SEC16B: variants seen among roughly 807,000 people sequenced by gnomAD.
The protein encoded by SEC16B is SEC16 homolog B, endoplasmic reticulum export factor.
In SEC16B, 115 loss-of-function variants were observed where a neutral mutation model predicts 141.8. That is an observed-to-expected ratio of 0.81 (90% CI 0.70 to 0.95). The LOEUF is 0.95. Among genes scored for constraint, SEC16B ranks in the 40% least tolerant of loss-of-function variants. SEC16B has a pLI of 0.00. For missense variants in SEC16B, 1,291 were observed against 1,312.3 expected, an observed-to-expected ratio of 0.98 and a Z score of 0.25; for synonymous variants, 493 against 492.5, an observed-to-expected ratio of 1.00 and a Z score of -0.01.
chr1:177,937,762 C>T (rs577476197), intron 18 of SEC16B, among the ~76,000 whole-genome samples: 17 of 152,226 alleles, frequency 1.1e-4, no homozygotes, highest in African/African-American at 3.4e-4. Context: ...ATCCTAAGCT[C>T]CTCCATTGAC....
In SEC16B at chr1:177,961,626, G is replaced by C. The variant is rs969252944; in HGVS notation, c.751C>G (p.Pro251Ala). ...GGACTCCAAGCTGCTGAAGCTGGGG[G>C]ATCATCCCGCTCCGGGGCATCTCTG... ...YIRDAPERDD[P>A]PASAAWSPVQ... Residue 251 changes from proline to alanine, a missense_variant, in exon 6 of 26, where the codon CCC becomes GCC. Physicochemically the swap from Pro to Ala is conservative, Grantham distance 27. Coordinates refer to ENST00000308284, the MANE Select transcript of SEC16B (RefSeq NM_033127.4). 2 of 1,613,822 alleles carry C rather than the reference G, an allele frequency of 1.2e-6. No individual in the cohort carries two copies. Among genetic ancestry groups the C allele is most frequent in the South Asian group, 2.2e-5 (2 of 91,024 alleles).
chr1:177,932,928 C>A lies in SEC16B; in HGVS notation c.2824-122G>T, dbSNP rs1306771439. On this transcript the variant is annotated intron_variant, in intron 22 of 25. Transcript: ENST00000308284. Reference sequence around the variant, plus strand: ...GCCACAAACTGCTGCTGGGCACTCCCCAAAACCCCCCTCCTCATCCCACTC... The same window carrying A: ...GCCACAAACTGCTGCTGGGCACTCCACAAAACCCCCCTCCTCATCCCACTC... 5 of 892,224 alleles carry A rather than the reference C, an allele frequency of 5.6e-6. No homozygotes were observed. In the East Asian group the frequency reaches 1.3e-4, roughly 23 times the overall value. 55.3% of individuals were successfully genotyped at this position (892,224 alleles called of 1,614,324 possible).
Position 177,958,172 on chromosome 1 carries a change from A to G in SEC16B, c.1325T>C (p.Val442Ala). Residue 442 changes from valine to alanine, a missense_variant, in exon 10 of 26, where the codon GTG becomes GCG. Val to Ala is a moderately conservative substitution (Grantham distance 64). Transcript: ENST00000308284. ...PPSVETPAQI[V>A]EKFTRLLYYG... is the part of the protein sequence containing the mutation. ...GTAGAGCAGCCTAGTGAATTTCTCC[A>G]CGATCTGCGCAGGTGTCTCCACACT... 1 of 1,562,044 alleles carries G rather than the reference A, an allele frequency of 6.4e-7. No individual in the cohort carries two copies. The highest frequency in any genetic ancestry group is 8.7e-7 in the Non-Finnish European group (1 of 1,151,630).
At chr1:177,981,322 G>C (rs1654405261) in intron 1 of SEC16B, among the ~76,000 whole-genome samples, 1 of 152,054 alleles carries the variant, frequency 6.6e-6, no homozygotes. Context: ...TGGACAGTAA[G>C]AGTCTTGCAT....
chr1:177,972,070 T>C (rs536416336), upstream of SEC16B, among the ~76,000 whole-genome samples: 2 of 152,342 alleles, frequency 1.3e-5, no homozygotes, highest in South Asian at 4.1e-4. Flanking sequence ...CTAGCCTTCA[T>C]TGCACAACCC....
chr1:177,978,566 T>G (rs1160586930), intron 1 of SEC16B, among the ~76,000 whole-genome samples: 1 of 152,032 alleles, frequency 6.6e-6, no homozygotes, highest in Non-Finnish European at 1.5e-5. Flanking sequence ...TAATTGGGCA[T>G]GGTGGCTCAC....
At chr1:177,973,819 A>C (rs1163790560), upstream of SEC16B, among the ~76,000 whole-genome samples, 1 of 152,172 alleles carries the variant, frequency 6.6e-6, no homozygotes, top group Non-Finnish European at 1.5e-5. Flanking sequence ...TAGTAATACA[A>C]TGTAATCATC....
At chr1:177,978,171 CA>C (rs1206969053) in intron 1 of SEC16B, among the ~76,000 whole-genome samples, 2 of 152,130 alleles carry the variant, frequency 1.3e-5, no homozygotes, top group African/African-American at 2.4e-5. Flanking sequence ...AGCCTTCAGG[CA>C]AGTTATTTAA....
chr1:177,980,223 A>G (rs1654348982), intron 1 of SEC16B, among the ~76,000 whole-genome samples: 1 of 152,176 alleles, frequency 6.6e-6, no homozygotes, highest in Non-Finnish European at 1.5e-5. Flanking sequence ...TCTAGATGTC[A>G]TTCATTAAAT....
At chr1:177,961,467 G>T (rs981316136) in intron 6 of SEC16B, 123 bp downstream of exon 6, 20 of 1,028,198 alleles carry the variant, frequency 1.9e-5, no homozygotes, top group Non-Finnish European at 2.8e-5. Context: ...TCTCTGCCCA[G>T]GTGACCTACA....
At chr1:177,979,816 G>A (rs1193252353) in intron 1 of SEC16B, among the ~76,000 whole-genome samples, 1 of 152,196 alleles carries the variant, frequency 6.6e-6, no homozygotes, top group African/African-American at 2.4e-5. Flanking sequence ...GAGAGAGCTT[G>A]TGTAGGGAAA....
rs1471228425 is a variant in SEC16B, at chr1:177,947,701, G to A, written c.1663+124C>T. On this transcript the variant is annotated intron_variant, in intron 13 of 25. Transcript: ENST00000308284. ...TTAAAGCTGACCTGGACGGGGAGGG[G>A]AGGTGAGGAGAGGGAGGGGAGGTGA... The A allele has an allele frequency of 8.7e-6, 5 of 574,572 alleles. No homozygotes were observed. The East Asian group carries it at 1.5e-4, about 18-fold the overall frequency. The allele number at this position is 574,572 out of a possible 1,614,324, so 35.6% of individuals were successfully genotyped here.
chr1:177,932,834 T>C (rs1422753938), intron 22 of SEC16B, 28 bp from the exon 23 acceptor site: 3 of 1,573,318 alleles, frequency 1.9e-6, no homozygotes, highest in Admixed American at 1.8e-5. Flanking sequence ...AAAGGCAGCA[T>C]TGGCAACATT....
At position 177,940,896 on chromosome 1, in the gene SEC16B, C is replaced by A. The variant is rs1157933949; in HGVS notation, c.2023-182G>T. Among the ~76,000 whole-genome samples, 3 of 152,206 alleles carry A rather than the reference C, an allele frequency of 2.0e-5. No individual in the cohort carries two copies. The South Asian group carries it at 6.2e-4, about 32-fold the overall frequency. ...AAACAGCAAATTCAGCAGATATCCT[C>A]CCAAAATTGCAACATAAATAAACAA... On this transcript the variant is annotated intron_variant, in intron 16 of 25. Transcript: ENST00000308284.
intron 15 of SEC16B, among the ~76,000 whole-genome samples, chr1:177,942,750 C>T (rs561765050): frequency 1.6e-3 from 242 of 152,098 alleles, no homozygotes; most frequent in African/African-American, 5.4e-3. Flanking sequence ...AGTAAGCGCT[C>T]GTGAAAGCAT....
chr1:177,970,343 C>T (rs540167515), upstream of SEC16B: 1 of 152,324 alleles, frequency 6.6e-6, no homozygotes, highest in African/African-American at 2.4e-5. Context: ...TGTTACTTAA[C>T]CTCTCCGAGT....
At chr1:177,969,090 C>T (rs1653773215) in intron 1 of SEC16B, among the ~76,000 whole-genome samples, 1 of 152,172 alleles carries the variant, frequency 6.6e-6, no homozygotes, top group Non-Finnish European at 1.5e-5. Context: ...CAGGCTAGGT[C>T]GGCCTCGATT....
At chr1:177,964,548 G>A (rs78290026) in intron 4 of SEC16B, among the ~76,000 whole-genome samples, 1,938 of 152,276 alleles carry the variant, frequency 0.013, 40 homozygotes, top group African/African-American at 0.043. Flanking sequence ...ATTCTGGAAT[G>A]ACTTACATCA....
At chr1:177,957,627 C>T (rs949780652) in intron 10 of SEC16B, among the ~76,000 whole-genome samples, 2 of 152,206 alleles carry the variant, frequency 1.3e-5, no homozygotes, top group South Asian at 4.1e-4. Flanking sequence ...ATGGGGCATC[C>T]ATCCCCTCAA....
Sources: allele counts gnomAD v4.1 joint callset (sites outside exome capture counted in the v4.1 genomes callset), GRCh38; gene constraint gnomAD v4.1.1; transcripts MANE v1.5; gene names NCBI Gene and HGNC (gene_info 2026-07-23, HGNC 2026-07-21).